The following ERBB4 variants were observed in gnomAD, a reference collection of about 807,000 sequenced individuals.
ERBB4 encodes the protein erb-b2 receptor tyrosine kinase 4.
Under a neutral mutation model 158.0 loss-of-function variants are expected in ERBB4, and 42 were observed. The observed-to-expected ratio is 0.27, with a 90% CI of 0.21 to 0.34. The LOEUF is 0.34. Among genes scored for constraint, ERBB4 ranks in the 10% least tolerant of loss-of-function variants. The pLI is 1.00. For synonymous variants in ERBB4, 583 were observed against 558.7 expected (o/e 1.04, Z -0.61); for missense variants, 1,333 against 1,624.1 (o/e 0.82, Z 3.08).
At chr2:211,698,087 C>A (rs542549908) in intron 12 of ERBB4, among the ~76,000 whole-genome samples, 8 of 152,098 alleles carry the variant, frequency 5.3e-5, no homozygotes, top group Admixed American at 4.6e-4. Flanking sequence ...GAGGCCGAGG[C>A]GGGCGGATCA....
intron 2 of ERBB4, among the ~76,000 whole-genome samples, chr2:212,030,591 G>A (rs2076880328): frequency 2.0e-5 from 3 of 152,210 alleles, no homozygotes; most frequent in Admixed American, 6.6e-5. Context: ...AAATGTAAGA[G>A]AGATGAGAAA....
At chr2:211,570,542 A>AG (rs1553571772) in intron 19 of ERBB4, among the ~76,000 whole-genome samples, 2 of 150,244 alleles carry the variant, frequency 1.3e-5, no homozygotes, top group Non-Finnish European at 3.0e-5. Flanking sequence ...GAAAAAAAAA[A>AG]GCTTTCTACC....
chr2:211,735,533 T>C (rs2074573201), intron 5 of ERBB4, among the ~76,000 whole-genome samples: 1 of 152,188 alleles, frequency 6.6e-6, no homozygotes, highest in South Asian at 2.1e-4. Context: ...CAAACACGTG[T>C]CTGCATTACG....
intron 25 of ERBB4, among the ~76,000 whole-genome samples, chr2:211,401,363 T>G (rs1037984649): frequency 3.9e-5 from 6 of 151,936 alleles, no homozygotes; most frequent in Non-Finnish European, 8.8e-5. Context: ...TTTTACAGAG[T>G]ATAGGTTGGC....
At chr2:211,976,457 T>C (rs1179775056) in intron 2 of ERBB4, among the ~76,000 whole-genome samples, 1 of 152,176 alleles carries the variant, frequency 6.6e-6, no homozygotes, top group Non-Finnish European at 1.5e-5. Context: ...TGTGTTTTTT[T>C]CTTAAGTTGC....
intron 1 of ERBB4, among the ~76,000 whole-genome samples, chr2:212,175,637 T>C (rs2081642952): frequency 6.7e-6 from 1 of 148,362 alleles, no homozygotes; most frequent in African/African-American, 2.5e-5. Flanking sequence ...TAGGATGGAG[T>C]AAGTAAAGAG....
chr2:212,355,100 C>T (rs1318185175), intron 1 of ERBB4, among the ~76,000 whole-genome samples: 1 of 151,984 alleles, frequency 6.6e-6, no homozygotes, highest in Non-Finnish European at 1.5e-5. Flanking sequence ...TGTGACCAGT[C>T]AGTATTTAAA....
At chr2:212,164,913 T>C (rs1391311225) in intron 1 of ERBB4, among the ~76,000 whole-genome samples, 1 of 151,054 alleles carries the variant, frequency 6.6e-6, no homozygotes, top group Non-Finnish European at 1.5e-5. Context: ...TAATCTACTA[T>C]TAAGAACTAC....
chr2:212,387,016 T>C (rs562372559), intron 1 of ERBB4, among the ~76,000 whole-genome samples: 1 of 152,208 alleles, frequency 6.6e-6, no homozygotes, highest in South Asian at 2.1e-4. Context: ...TGATCCCTCA[T>C]TTTGGAAGAA....
chr2:212,014,622 A>G (rs922373438), intron 2 of ERBB4, among the ~76,000 whole-genome samples: 7 of 152,018 alleles, frequency 4.6e-5, no homozygotes, highest in Non-Finnish European at 7.4e-5. Context: ...AATTTCTTTT[A>G]TTTTACTGCT....
chr2:211,446,114 T>C (rs2064106402), intron 20 of ERBB4, among the ~76,000 whole-genome samples: 1 of 152,098 alleles, frequency 6.6e-6, no homozygotes, highest in Admixed American at 6.6e-5. Context: ...AGAGGAAAGA[T>C]GGGGTAGAGT....
chr2:212,323,164 A>G (rs1054686763), intron 1 of ERBB4, among the ~76,000 whole-genome samples: 4 of 150,554 alleles, frequency 2.7e-5, no homozygotes, highest in African/African-American at 7.3e-5. Context: ...TCCTTTCGTC[A>G]GTGCATTTTA....
intron 4 of ERBB4, among the ~76,000 whole-genome samples, chr2:211,781,221 C>A (rs1035074693): frequency 1.3e-5 from 2 of 151,924 alleles, no homozygotes; most frequent in African/African-American, 2.4e-5. Context: ...ATATGTAATA[C>A]AAAGTGCAAT....
intron 2 of ERBB4, among the ~76,000 whole-genome samples, chr2:212,110,454 C>T (rs2079369805): frequency 6.6e-6 from 1 of 152,148 alleles, no homozygotes. Flanking sequence ...ATTGCTGACC[C>T]CATGGGCTTT....
At chr2:212,383,160 T>G (rs1314844804) in intron 1 of ERBB4, among the ~76,000 whole-genome samples, 1 of 151,448 alleles carries the variant, frequency 6.6e-6, no homozygotes, top group Non-Finnish European at 1.5e-5. Context: ...AGCCATGATT[T>G]TGCATTGAAT....
intron 4 of ERBB4, among the ~76,000 whole-genome samples, chr2:211,783,668 G>A (rs1194040023): frequency 3.9e-5 from 6 of 152,134 alleles, no homozygotes; most frequent in African/African-American, 9.7e-5. Context: ...GCTGGATTAC[G>A]TTTATTGATT....
At chr2:211,531,994 G>A (rs1403738413) in intron 20 of ERBB4, among the ~76,000 whole-genome samples, 1 of 152,000 alleles carries the variant, frequency 6.6e-6, no homozygotes, top group Non-Finnish European at 1.5e-5. Flanking sequence ...GCAACAACAT[G>A]GATGGAACTG....
At chr2:211,860,939 A>C (rs2077994450) in intron 3 of ERBB4, among the ~76,000 whole-genome samples, 1 of 115,888 alleles carries the variant, frequency 8.6e-6, no homozygotes, top group Non-Finnish European at 1.7e-5. Context: ...ATTACATTAT[A>C]TATATTTTAT....
chr2:211,487,148 C>G (rs13020699), intron 20 of ERBB4, among the ~76,000 whole-genome samples: 4 of 114,924 alleles, frequency 3.5e-5, no homozygotes, highest in Non-Finnish European at 6.9e-5. Flanking sequence ...CCTCCCCCCT[C>G]CCCCCACCCC....
Sources: gnomAD v4.1 joint callset for allele counts (sites outside exome capture counted in the v4.1 genomes callset) on GRCh38, gnomAD v4.1.1 for gene constraint, MANE v1.5 for transcripts, NCBI Gene and HGNC (gene_info 2026-07-23, HGNC 2026-07-21) for gene names.